The following BRWD3 variants were observed in gnomAD, a reference collection of about 807,000 sequenced individuals.
The protein encoded by BRWD3 is bromodomain and WD repeat domain containing 3, also known as bromodomain and WD repeat-containing protein 3.
BRWD3 carries 10 observed loss-of-function variants against 149.7 expected under a neutral mutation model. That is an observed-to-expected ratio of 0.07 (90% confidence interval 0.04 to 0.11). BRWD3 has a LOEUF of 0.11. Among genes scored for constraint, BRWD3 ranks in the 10% least tolerant of loss-of-function variants. The pLI is 1.00. For synonymous variants in BRWD3, 504 were observed against 456.7 expected, an observed-to-expected ratio of 1.10 and a Z score of -1.32; for missense variants, 940 against 1,373.2, an observed-to-expected ratio of 0.68 and a Z score of 4.99.
Position 80,722,707 on chromosome X carries a change from G to T in BRWD3, c.1731C>A (p.Thr577=). 1 of 1,210,488 alleles carries T rather than the reference G, an allele frequency of 8.3e-7. No individual in the cohort carries two copies. The highest frequency in any genetic ancestry group is 1.1e-6 in the Non-Finnish European group (1 of 894,432). The change falls in exon 17 of 41, where the codon ACC becomes ACA. Residue 577 remains threonine, a synonymous_variant. Coordinates refer to ENST00000373275, the MANE Select transcript of BRWD3 (RefSeq NM_153252.5). ...DANNYVLDEQ[T]QQAPHLMPPP... is the part of the protein sequence containing the mutation. ...GAGGCATGAGGTGAGGAGCTTGTTGGGTTTGTTCATCCAATACATAGTTAT... is the reference window on the plus strand; with the variant it reads ...GAGGCATGAGGTGAGGAGCTTGTTGTGTTTGTTCATCCAATACATAGTTAT...
chrX:80,750,641 G>C (rs952189476), intron 6 of BRWD3, among the ~76,000 whole-genome samples: 2 of 111,330 alleles, frequency 1.8e-5, no homozygotes, highest in Non-Finnish European at 3.8e-5. Flanking sequence ...AATGTAAATT[G>C]AAACATTTTG....
At chrX:80,694,611 G>A (rs752542967) in intron 27 of BRWD3, among the ~76,000 whole-genome samples, 15 of 111,844 alleles carry the variant, frequency 1.3e-4, no homozygotes, top group Non-Finnish European at 2.6e-4. Flanking sequence ...TTGCATCAGC[G>A]TGACCTGGAT....
At chrX:80,785,430 C>T (rs1346368806) in intron 6 of BRWD3, among the ~76,000 whole-genome samples, 2 of 112,160 alleles carry the variant, frequency 1.8e-5, no homozygotes, top group Admixed American at 9.5e-5. Flanking sequence ...TAAAGTGTTA[C>T]AGTAGTTAGT....
intron 35 of BRWD3, among the ~76,000 whole-genome samples, chrX:80,686,367 C>A (rs896882695): frequency 4.6e-5 from 5 of 108,516 alleles, no homozygotes; most frequent in African/African-American, 6.7e-5. Context: ...CATATGTATA[C>A]GTATGTAACA....
intron 8 of BRWD3, among the ~76,000 whole-genome samples, chrX:80,739,544 C>A (rs1434495402): frequency 1.8e-5 from 2 of 110,742 alleles, no homozygotes; most frequent in East Asian, 5.7e-4. Context: ...CTCTAAGGCA[C>A]TACAATATGT....
rs922159283 is a variant in BRWD3, at chrX:80,672,335, A to G, written c.*4274T>C. 1 of 97,359 alleles carries G rather than the reference A, an allele frequency of 1.0e-5. No homozygotes were observed. The highest frequency in any genetic ancestry group is 2.0e-5 in the Non-Finnish European group (1 of 48,903). 8.0% of individuals were successfully genotyped at this position (97,359 alleles called of 1,213,427 possible). A position where few individuals can be genotyped will look rare whatever the true frequency, so the allele number is the denominator to read the frequency against. On this transcript the variant is annotated 3_prime_UTR_variant, in exon 41 of 41. Coordinates refer to ENST00000373275, the MANE Select transcript of BRWD3 (RefSeq NM_153252.5). ...AAGAATAAGGGTATATAGGCCGGGCACGGTGGCTCATGCCTGTAATCCCAG... is the reference window on the plus strand; with the variant it reads ...AAGAATAAGGGTATATAGGCCGGGCGCGGTGGCTCATGCCTGTAATCCCAG...
intron 6 of BRWD3, among the ~76,000 whole-genome samples, chrX:80,763,065 T>G (rs1372557831): frequency 8.9e-6 from 1 of 112,001 alleles, no homozygotes; most frequent in African/African-American, 3.2e-5. Flanking sequence ...ATATATTTTT[T>G]AAATCCCCTT....
At position 80,730,017 on chromosome X, in the gene BRWD3, T is replaced by C. The variant is rs769459974; in HGVS notation, c.1131A>G (p.Leu377=). ...AVQFCNNGDS[L]RFVSGSRDGT... is the part of the protein sequence containing the mutation. ...CATCTCGACTTCCACTAACAAATCT[T>C]AAACTAGAAAGAGTTAAAATAACTT... Residue 377 remains leucine, a synonymous_variant, in exon 13 of 41, where the codon TTA becomes TTG. Transcript: ENST00000373275. The C allele has an allele frequency of 1.1e-5, 13 of 1,166,965 alleles. No individual in the cohort carries two copies. Among genetic ancestry groups the C allele is most frequent in the Non-Finnish European group, 1.4e-5 (12 of 855,395 alleles).
chrX:80,705,342 T>A (rs968266784), intron 22 of BRWD3, among the ~76,000 whole-genome samples: 1 of 111,264 alleles, frequency 9.0e-6, no homozygotes, highest in African/African-American at 3.3e-5. Context: ...GGATGAAGTA[T>A]ACTTTATCCA....
Position 80,729,768 on chromosome X carries a change from T to C in BRWD3, c.1232+148A>G, listed in dbSNP as rs769422669. ...CTCTGTCAATCAACAGTAACGAAGA[T>C]TTGCTTAGAGGCTGTACAGATGCAA... On this transcript the variant is annotated intron_variant, in intron 13 of 40. Transcript: ENST00000373275. 2.4e-5 allele frequency: 11 copies of C among 450,018 alleles called. No individual in the cohort carries two copies. The South Asian group carries it at 3.7e-4, about 15-fold the overall frequency. The allele number at this position is 450,018 out of a possible 1,213,427, so 37.1% of individuals were successfully genotyped here.
intron 31 of BRWD3, 58 bp downstream of exon 31, chrX:80,690,995 G>C (rs2147691895): frequency 2.6e-6 from 3 of 1,156,229 alleles, no homozygotes; most frequent in Non-Finnish European, 3.5e-6. Context: ...ATCTCAAAAA[G>C]GAAAGCAAAA....
At chrX:80,780,318 G>A (rs1388495921) in intron 6 of BRWD3, among the ~76,000 whole-genome samples, 1 of 110,112 alleles carries the variant, frequency 9.1e-6, no homozygotes, top group African/African-American at 3.3e-5. Context: ...GTTCATACTA[G>A]GATTAAATGG....
At chrX:80,694,273 G>C (rs2147697483) in intron 27 of BRWD3, among the ~76,000 whole-genome samples, 1 of 111,994 alleles carries the variant, frequency 8.9e-6, no homozygotes, top group Non-Finnish European at 1.9e-5. Flanking sequence ...CTAGATTGCA[G>C]AGGATGTATG....
At chrX:80,790,909 A>G (rs919950377) in intron 6 of BRWD3, among the ~76,000 whole-genome samples, 1 of 112,106 alleles carries the variant, frequency 8.9e-6, no homozygotes, top group Non-Finnish European at 1.9e-5. Flanking sequence ...TGGAAAAAAA[A>G]AAGTTAGCAA....
Position 80,700,442 on chromosome X carries a change from A to ATATATATATATATATAT in BRWD3, c.2836-379_2836-378insATATATATATATATATA, listed in dbSNP as rs58761845. ...CAGATTGAAAATATTTGATATATAT[A>ATATATATATATATATAT]ACAATACAATTAGGCCGGGCATGGT... On this transcript the variant is annotated intron_variant, in intron 24 of 40. Transcript: ENST00000373275. Among the ~76,000 whole-genome samples the ATATATATATATATATAT allele has an allele frequency of 3.2e-5, 3 of 94,693 alleles. 1 individual carries two copies. Among genetic ancestry groups the ATATATATATATATATAT allele is most frequent in the Non-Finnish European group, 4.2e-5 (2 of 47,356 alleles). The allele number at this position is 94,693 out of a possible 115,157, so 82.2% of individuals were successfully genotyped here.
chrX:80,740,738 CAAAA>C (rs1382676916), intron 8 of BRWD3, among the ~76,000 whole-genome samples: 5 of 110,647 alleles, frequency 4.5e-5, no homozygotes, highest in African/African-American at 1.7e-4. Context: ...GACAACAAAA[CAAAA>C]CAAAACAAAA....
rs894916856 is a variant in BRWD3 at position 80,676,347 on chromosome X, GTGTGTGTGTA to G, written c.*252_*261del. 2.4e-4 allele frequency: 86 copies of G among 364,174 alleles called. No individual in the cohort carries two copies. The highest frequency in any genetic ancestry group is 7.6e-4 in the Middle Eastern group (1 of 1,310). The allele number at this position is 364,174 out of a possible 1,213,427, so 30.0% of individuals were successfully genotyped here. A position where few individuals can be genotyped will look rare whatever the true frequency, so the allele number is the denominator to read the frequency against. ...TGTTGTGTTTCGTGTGTGTGTGTCTGTGTGTGTGTATGTGTGTGTATGTGTTTGTGTGTGT... is the reference window on the plus strand; with the variant it reads ...TGTTGTGTTTCGTGTGTGTGTGTCTGTGTGTGTGTATGTGTTTGTGTGTGT... On this transcript the variant is annotated 3_prime_UTR_variant, in exon 41 of 41. Transcript: ENST00000373275.
chrX:80,701,055 T>C (rs1232262203), intron 24 of BRWD3, among the ~76,000 whole-genome samples: 5 of 110,926 alleles, frequency 4.5e-5, no homozygotes, highest in Non-Finnish European at 9.4e-5. Context: ...ACATTCCATA[T>C]AAACAGTATA....
At chrX:80,779,922 T>C (rs1401885011) in intron 6 of BRWD3, among the ~76,000 whole-genome samples, 1 of 111,693 alleles carries the variant, frequency 9.0e-6, no homozygotes, top group Non-Finnish European at 1.9e-5. Context: ...GCTATTGATA[T>C]TCATATTCAT....
Sources: gnomAD v4.1 joint callset for allele counts (sites outside exome capture counted in the v4.1 genomes callset) on GRCh38, gnomAD v4.1.1 for gene constraint, MANE v1.5 for transcripts, NCBI Gene and HGNC (gene_info 2026-07-23, HGNC 2026-07-21) for gene names.